Variants in ATXN7L1 observed in about 807,000 individuals in gnomAD.
ATXN7L1 encodes ataxin 7 like 1.
Under a neutral mutation model 70.8 loss-of-function variants are expected in ATXN7L1, and 15 were observed. The ratio of observed to expected loss-of-function variants is 0.21; its 90% CI spans 0.14 to 0.33. The LOEUF is 0.33. Ranked by LOEUF, ATXN7L1 falls within the 10% of genes least tolerant of loss-of-function variation. The pLI, the probability that ATXN7L1 is intolerant of heterozygous loss-of-function variation, is 1.00. For missense variants in ATXN7L1, 975 were observed against 1,097.1 expected, an observed-to-expected ratio of 0.89 and a Z score of 1.57; for synonymous variants, 440 against 445.1, an observed-to-expected ratio of 0.99 and a Z score of 0.14.
chr7:105,776,262 G>A lies in ATXN7L1; in HGVS notation c.355+12342C>T, dbSNP rs1366439246. Among the ~76,000 whole-genome samples, 5 of 152,188 alleles carry A rather than the reference G, an allele frequency of 3.3e-5. No homozygotes were observed. In the East Asian group the frequency reaches 9.6e-4, roughly 29 times the overall value. ...GCCCTCCAGCAATCAGCTGTGGTCAGGGATCAAAGCCATGGCCTCCCCACT... is the reference window on the plus strand; with the variant it reads ...GCCCTCCAGCAATCAGCTGTGGTCAAGGATCAAAGCCATGGCCTCCCCACT... On this transcript the variant is annotated intron_variant, in intron 3 of 11. Transcript: ENST00000419735.
intron 4 of ATXN7L1, among the ~76,000 whole-genome samples, chr7:105,653,216 G>A (rs1022743891): frequency 2.6e-5 from 4 of 152,164 alleles, no homozygotes; most frequent in Non-Finnish European, 4.4e-5. Context: ...GGGAGGCTGA[G>A]GTGGGTGGAT....
intron 2 of ATXN7L1, among the ~76,000 whole-genome samples, chr7:105,868,404 AT>A (rs1440207950): frequency 6.6e-6 from 1 of 152,184 alleles, no homozygotes. Flanking sequence ...GGTCAAACAC[AT>A]AAGGGAGGCT....
At chr7:105,752,227 G>A (rs778112594) in intron 3 of ATXN7L1, among the ~76,000 whole-genome samples, 4 of 152,166 alleles carry the variant, frequency 2.6e-5, no homozygotes, top group African/African-American at 7.2e-5. Context: ...CTTTGACCTC[G>A]ATGGTACAAA....
At chr7:105,692,405 CCTTCCTTCCTTCCTTCCTT>C (rs1791042462) in intron 3 of ATXN7L1, among the ~76,000 whole-genome samples, 3 of 128,680 alleles carry the variant, frequency 2.3e-5, no homozygotes, top group Non-Finnish European at 3.3e-5. Context: ...TTCCTTCCTT[CCTTCCTTCCTTCCTTCCTT>C]CCTCCCTCCC....
At chr7:105,846,627 A>G (rs1814086700) in intron 2 of ATXN7L1, among the ~76,000 whole-genome samples, 2 of 152,356 alleles carry the variant, frequency 1.3e-5, no homozygotes, top group South Asian at 4.1e-4. Flanking sequence ...TATATACCCA[A>G]GAGAAAACAT....
intron 3 of ATXN7L1, among the ~76,000 whole-genome samples, chr7:105,728,575 C>A (rs1036180213): frequency 6.6e-6 from 1 of 152,164 alleles, no homozygotes; most frequent in Non-Finnish European, 1.5e-5. Context: ...AGAAGACACA[C>A]ACTTATTTTC....
chr7:105,681,852 G>A (rs186085641), intron 3 of ATXN7L1, among the ~76,000 whole-genome samples: 4 of 152,248 alleles, frequency 2.6e-5, no homozygotes, highest in East Asian at 3.9e-4. Context: ...ACAGAATGGC[G>A]GTTGTCAGGG....
chr7:105,615,175 T>A (rs1437765691), intron 9 of ATXN7L1, among the ~76,000 whole-genome samples: 4 of 152,056 alleles, frequency 2.6e-5, no homozygotes, highest in African/African-American at 7.2e-5. Context: ...CCAACTCTCT[T>A]TTTTTGGCAG....
chr7:105,815,869 G>A (rs1477103667), intron 2 of ATXN7L1, among the ~76,000 whole-genome samples: 3 of 152,210 alleles, frequency 2.0e-5, no homozygotes, highest in South Asian at 2.1e-4. Context: ...GCTTGTGAGC[G>A]TTTGGCAGAT....
intron 8 of ATXN7L1, among the ~76,000 whole-genome samples, chr7:105,620,773 G>A (rs147370699): frequency 1.3e-5 from 2 of 151,890 alleles, no homozygotes; most frequent in African/African-American, 4.8e-5. Flanking sequence ...CACGTGCCTG[G>A]GATCCCAGCT....
intron 3 of ATXN7L1, among the ~76,000 whole-genome samples, chr7:105,706,728 C>A (rs897275570): frequency 2.0e-5 from 3 of 152,364 alleles, no homozygotes; most frequent in Middle Eastern, 6.8e-3. Context: ...GCTTCTAGGT[C>A]CCCGATGTAG....
intron 2 of ATXN7L1, among the ~76,000 whole-genome samples, chr7:105,825,542 C>T (rs1198724852): frequency 6.6e-6 from 1 of 150,560 alleles, no homozygotes; most frequent in Non-Finnish European, 1.5e-5. Flanking sequence ...TTAGGACAAG[C>T]AAAAACCTAC....
rs1801912132 is a variant in ATXN7L1, at chr7:105,771,012, C to T, written c.355+17592G>A. Among the ~76,000 whole-genome samples, 3 of 152,000 alleles carry T rather than the reference C, an allele frequency of 2.0e-5. 1 individual carries two copies. The South Asian group carries it at 6.3e-4, about 32-fold the overall frequency. The stretch of plus-strand genomic sequence containing the variant: ...GTCAGGAGTTCAAGACCAGCCTGAC[C>T]AACATGGTGACATCCCGTCTCTACT... On this transcript the variant is annotated intron_variant, in intron 3 of 11. Transcript: ENST00000419735.
chr7:105,858,032 G>A (rs1409786583), intron 2 of ATXN7L1, among the ~76,000 whole-genome samples: 2 of 152,144 alleles, frequency 1.3e-5, no homozygotes, highest in Admixed American at 6.5e-5. Context: ...AGGAGTTGGA[G>A]ACCAGCCTGG....
intron 8 of ATXN7L1, among the ~76,000 whole-genome samples, chr7:105,620,623 A>G (rs1794777906): frequency 6.6e-6 from 1 of 152,224 alleles, no homozygotes; most frequent in Non-Finnish European, 1.5e-5. Context: ...TGCCAGGCAC[A>G]GTGGCTCATG....
intron 10 of ATXN7L1, among the ~76,000 whole-genome samples, chr7:105,611,933 T>C (rs1381786953): frequency 6.6e-6 from 1 of 152,174 alleles, no homozygotes; most frequent in Non-Finnish European, 1.5e-5. Context: ...AGCACCGAGG[T>C]ATCACCTGCG....
chr7:105,744,519 T>C (rs1181528139), intron 3 of ATXN7L1, among the ~76,000 whole-genome samples: 6 of 152,078 alleles, frequency 3.9e-5, no homozygotes, highest in Non-Finnish European at 8.8e-5. Flanking sequence ...CTGATCTCCC[T>C]CTGGGCTCAT....
At chr7:105,781,118 C>T (rs892609076) in intron 3 of ATXN7L1, among the ~76,000 whole-genome samples, 2 of 152,154 alleles carry the variant, frequency 1.3e-5, no homozygotes, top group Non-Finnish European at 2.9e-5. Context: ...AGCCACTCAA[C>T]ATCTTATAGT....
chr7:105,665,398 C>T (rs113686205), intron 3 of ATXN7L1, 110 bp from the exon 4 acceptor site: 25 of 824,108 alleles, frequency 3.0e-5, no homozygotes, highest in African/African-American at 2.7e-4. Context: ...GCTTTCCCTA[C>T]AGCACTGGCA....
Sources: allele counts gnomAD v4.1 joint callset (sites outside exome capture counted in the v4.1 genomes callset), GRCh38; gene constraint gnomAD v4.1.1; transcripts MANE v1.5; gene names NCBI Gene and HGNC (gene_info 2026-07-23, HGNC 2026-07-21).